Variants in IL15 observed in about 807,000 individuals in gnomAD.
The protein encoded by IL15 is interleukin-15.
In IL15, 11 loss-of-function variants were observed where a neutral mutation model predicts 19.6. The ratio of observed to expected loss-of-function variants is 0.56; its 90% confidence interval spans 0.35 to 0.93. The LOEUF is 0.93. Ranked by LOEUF, IL15 falls within the 40% of genes least tolerant of loss-of-function variation. The probability of loss-of-function intolerance (pLI) is 0.01; values close to 1 mark genes in which losing one functional copy is unlikely to be tolerated. For synonymous variants in IL15, 58 were observed against 59.6 expected, an observed-to-expected ratio of 0.97 and a Z score of 0.12; for missense variants, 197 against 186.5, an observed-to-expected ratio of 1.06 and a Z score of -0.33.
chr4:141,644,043 C>T (rs1727140659), intron 1 of IL15, among the ~76,000 whole-genome samples: 8 of 151,882 alleles, frequency 5.3e-5, no homozygotes, highest in Admixed American at 5.3e-4. Context: ...ATGTCATATT[C>T]CACGTTGAAT....
intron 1 of IL15, among the ~76,000 whole-genome samples, chr4:141,655,783 T>C (rs1397544433): frequency 6.6e-6 from 1 of 152,222 alleles, no homozygotes; most frequent in Non-Finnish European, 1.5e-5. Context: ...CGTTTACAAC[T>C]TATTTTCAAC....
At chr4:141,639,547 T>C (rs1332064598) in intron 1 of IL15, among the ~76,000 whole-genome samples, 1 of 152,226 alleles carries the variant, frequency 6.6e-6, no homozygotes, top group East Asian at 1.9e-4. Flanking sequence ...TCTAGATATC[T>C]GTCTCTGCCT....
rs1048159430 is a variant in IL15 at position 141,700,178 on chromosome 4, CAA to C, written c.-99-19186_-99-19185del. On this transcript the variant is annotated intron_variant, in intron 2 of 7. Transcript: ENST00000320650. ...AGGTGATCCATCTGCCTCAGCCCCTCAAAGTGCTGGGATTATAGGAGTGAGCC... is the reference window on the plus strand; with the variant it reads ...AGGTGATCCATCTGCCTCAGCCCCTCAGTGCTGGGATTATAGGAGTGAGCC... 4.7e-4 allele frequency among the ~76,000 whole-genome samples: 72 copies of C among 152,224 alleles called. 1 individual carries two copies. Among genetic ancestry groups the C allele is most frequent in the African/African-American group, 1.7e-3 (72 of 41,540 alleles).
intron 2 of IL15, among the ~76,000 whole-genome samples, chr4:141,659,145 G>T (rs950212141): frequency 6.6e-6 from 1 of 151,044 alleles, no homozygotes; most frequent in Non-Finnish European, 1.5e-5. Flanking sequence ...CACTGTCCCC[G>T]GCCTGTTTTT....
At chr4:141,702,457 G>A (rs766041219) in intron 2 of IL15, among the ~76,000 whole-genome samples, 6 of 152,216 alleles carry the variant, frequency 3.9e-5, no homozygotes, top group Non-Finnish European at 7.3e-5. Flanking sequence ...AATGGAGGTG[G>A]CAGGGGAGTG....
intron 2 of IL15, among the ~76,000 whole-genome samples, chr4:141,705,105 C>G (rs1729465404): frequency 6.6e-6 from 1 of 151,344 alleles, no homozygotes; most frequent in South Asian, 2.1e-4. Context: ...TATTTCTGTC[C>G]TTCCTTCTAC....
chr4:141,661,120 C>G (rs1370845109), intron 2 of IL15, among the ~76,000 whole-genome samples: 1 of 152,112 alleles, frequency 6.6e-6, no homozygotes, highest in African/African-American at 2.4e-5. Context: ...AACCCAGAGA[C>G]AGTGAGTAAC....
At chr4:141,694,992 G>A (rs1729044597) in intron 2 of IL15, among the ~76,000 whole-genome samples, 1 of 152,084 alleles carries the variant, frequency 6.6e-6, no homozygotes, top group African/African-American at 2.4e-5. Context: ...TATTTACTTT[G>A]GATTACTGTA....
In IL15 at chr4:141,712,601, A is replaced by T. The variant is rs539848823; in HGVS notation, c.-99-6765A>T. ...TATATTTATTTTATATATTTCTATA[A>T]ATAAATATATTGTTTAAATATATAT... On this transcript the variant is annotated intron_variant, in intron 2 of 7. Transcript: ENST00000320650. 4.0e-5 allele frequency among the ~76,000 whole-genome samples: 6 copies of T among 148,242 alleles called. No individual in the cohort carries two copies. The East Asian group carries it at 1.2e-3, about 29-fold the overall frequency.
chr4:141,645,879 G>A (rs1399274423), intron 1 of IL15, among the ~76,000 whole-genome samples: 1 of 152,018 alleles, frequency 6.6e-6, no homozygotes, highest in Non-Finnish European at 1.5e-5. Context: ...TGGCTAAACT[G>A]GACTTTCTCA....
At chr4:141,677,958 A>G (rs1328721390) in intron 2 of IL15, among the ~76,000 whole-genome samples, 2 of 152,208 alleles carry the variant, frequency 1.3e-5, no homozygotes, top group Non-Finnish European at 2.9e-5. Context: ...GCAGAGTTAG[A>G]GGTCAAGCCT....
At chr4:141,678,934 C>T (rs978716443) in intron 2 of IL15, among the ~76,000 whole-genome samples, 3 of 152,176 alleles carry the variant, frequency 2.0e-5, no homozygotes, top group Admixed American at 6.5e-5. Flanking sequence ...AAATATATGC[C>T]GTATATTTCT....
chr4:141,700,759 T>G (rs1729264920), intron 2 of IL15, among the ~76,000 whole-genome samples: 1 of 152,236 alleles, frequency 6.6e-6, no homozygotes, highest in South Asian at 2.1e-4. Context: ...AGAGCACGAT[T>G]TATTCTTAGG....
intron 5 of IL15, 39 bp from the exon 6 acceptor site, chr4:141,727,901 G>A (rs1040594413): frequency 1.2e-6 from 1 of 832,788 alleles, no homozygotes; most frequent in Non-Finnish European, 2.0e-6. Context: ...TTAAAGCAGG[G>A]CATAGTTTTT....
intron 1 of IL15, among the ~76,000 whole-genome samples, chr4:141,652,955 G>A (rs1339533677): frequency 6.6e-6 from 1 of 152,110 alleles, no homozygotes; most frequent in African/African-American, 2.4e-5. Flanking sequence ...ATTATCAGCA[G>A]GTAATAAGAA....
chr4:141,644,333 A>G (rs1727149990), intron 1 of IL15, among the ~76,000 whole-genome samples: 1 of 152,088 alleles, frequency 6.6e-6, no homozygotes, highest in Non-Finnish European at 1.5e-5. Flanking sequence ...TTGAATAACA[A>G]TAATTTGTTA....
At position 141,730,062 on chromosome 4, in the gene IL15, G is replaced by C. The variant is rs928930802; in HGVS notation, c.378+78G>C. 1.6e-5 allele frequency: 18 copies of C among 1,160,160 alleles called. No homozygotes were observed. The African/African-American group carries it at 2.7e-4, about 18-fold the overall frequency. 71.9% of individuals were successfully genotyped at this position (1,160,160 alleles called of 1,614,324 possible). On this transcript the variant is annotated intron_variant, in intron 7 of 7. Coordinates refer to ENST00000320650, the MANE Select transcript of IL15 (RefSeq NM_000585.5). ...TGGAGAAGTCATTCATGGACAAGCA[G>C]ATCCTCCTAAGGGGCAATCAGGAGA...
rs754599922 is a variant in IL15, at chr4:141,729,834, C to T, written c.241-13C>T. 6.9e-7 allele frequency: 1 copy of T among 1,459,058 alleles called. No individual in the cohort carries two copies. Among genetic ancestry groups the T allele is most frequent in the Non-Finnish European group, 9.5e-7 (1 of 1,047,870 alleles). 90.4% of individuals were successfully genotyped at this position (1,459,058 alleles called of 1,614,324 possible). A position where few individuals can be genotyped will look rare whatever the true frequency, so the allele number is the denominator to read the frequency against. ...AGAAAAAAGTAATTGTTCTTTATAA[C>T]TTTTATTTTTAGCCCAGTTGCAAAG... On this transcript the variant is annotated splice_polypyrimidine_tract_variant and intron_variant, in intron 6 of 7. Coordinates refer to ENST00000320650, the MANE Select transcript of IL15 (RefSeq NM_000585.5).
chr4:141,692,707 C>T (rs892668505), intron 2 of IL15, among the ~76,000 whole-genome samples: 1 of 152,152 alleles, frequency 6.6e-6, no homozygotes, highest in South Asian at 2.1e-4. Flanking sequence ...TCATCTCCAT[C>T]GAAGATCATC....
Sources: allele counts gnomAD v4.1 joint callset (sites outside exome capture counted in the v4.1 genomes callset), GRCh38; gene constraint gnomAD v4.1.1; transcripts MANE v1.5; gene names NCBI Gene and HGNC (gene_info 2026-07-23, HGNC 2026-07-21).